The following GLIS3 variants were observed in gnomAD, a reference collection of about 807,000 sequenced individuals.
The protein encoded by GLIS3 is zinc finger protein GLIS3.
A neutral mutation model predicts 78.6 loss-of-function variants in GLIS3; 53 were observed. The observed-to-expected ratio is 0.67, with a 90% CI of 0.54 to 0.85. The LOEUF (loss-of-function observed/expected upper bound fraction) is 0.85. Ranked by LOEUF, GLIS3 falls within the 40% of genes least tolerant of loss-of-function variation. The probability of loss-of-function intolerance (pLI) is 0.00; values close to 1 mark genes in which losing one functional copy is unlikely to be tolerated. For missense variants in GLIS3, 1,703 were observed against 1,231.1 expected (o/e 1.38, Z -5.74); for synonymous variants, 684 against 509.9 (o/e 1.34, Z -4.60).
intron 9 of GLIS3, among the ~76,000 whole-genome samples, chr9:3,845,927 T>C (rs574878729): frequency 1.3e-5 from 2 of 152,202 alleles, no homozygotes; most frequent in African/African-American, 4.8e-5. Flanking sequence ...GTTTCAAGAT[T>C]TAAAACTTCT....
chr9:3,999,904 A>C (rs970059749), intron 4 of GLIS3, among the ~76,000 whole-genome samples: 3 of 152,168 alleles, frequency 2.0e-5, no homozygotes, highest in Non-Finnish European at 4.4e-5. Flanking sequence ...GGGATAGAAA[A>C]ATAGAGAAAT....
At chr9:4,381,877 T>C in the GLIS3 span, among the ~76,000 whole-genome samples, 1 of 152,212 alleles carries the variant, frequency 6.6e-6, no homozygotes, top group African/African-American at 2.4e-5. Context: ...GCTGTGCCCC[T>C]TCAGTGACCC....
At chr9:4,015,888 C>CAAAA (rs1049791263) in intron 4 of GLIS3, among the ~76,000 whole-genome samples, 14 of 32,230 alleles carry the variant, frequency 4.3e-4, no homozygotes, top group African/African-American at 1.3e-3. Context: ...GACTCTGTCT[C>CAAAA]AAAAAAAAAA....
At chr9:4,382,328 T>G in the GLIS3 span, among the ~76,000 whole-genome samples, 1 of 152,198 alleles carries the variant, frequency 6.6e-6, no homozygotes, top group Non-Finnish European at 1.5e-5. Context: ...ACTGGAGAGT[T>G]AGAGCATTAT....
At chr9:4,028,869 T>C (rs903745074) in intron 4 of GLIS3, among the ~76,000 whole-genome samples, 1 of 152,134 alleles carries the variant, frequency 6.6e-6, no homozygotes, top group African/African-American at 2.4e-5. Flanking sequence ...GTAATAAATG[T>C]TGCCAGGACT....
intron 4 of GLIS3, among the ~76,000 whole-genome samples, chr9:4,075,974 CA>C (rs1362222438): frequency 1.3e-5 from 2 of 152,080 alleles, no homozygotes; most frequent in Admixed American, 1.3e-4. Context: ...GGATTGACTG[CA>C]AAGGAACACC....
chr9:4,097,610 G>C (rs996080472), intron 4 of GLIS3, among the ~76,000 whole-genome samples: 1 of 152,064 alleles, frequency 6.6e-6, no homozygotes, highest in Admixed American at 6.5e-5. Flanking sequence ...TACCAGCTTC[G>C]CATACTGACC....
intron 4 of GLIS3, among the ~76,000 whole-genome samples, chr9:3,971,931 G>A (rs1199770453): frequency 6.6e-6 from 1 of 152,114 alleles, no homozygotes; most frequent in Admixed American, 6.6e-5. Flanking sequence ...GCTGTTTTGA[G>A]TGGCATGTGT....
At chr9:4,070,858 T>G (rs1373838346) in intron 4 of GLIS3, 1 of 152,184 alleles carries the variant, frequency 6.6e-6, no homozygotes, top group Non-Finnish European at 1.5e-5. Flanking sequence ...TATAAAAGCC[T>G]AGGTAAGACA....
chr9:3,926,974 G>A lies in GLIS3; in HGVS notation c.1983+5386C>T, dbSNP rs187581325. ...TGTGTTCCCACTACAAATATGATCA[G>A]CTCCTCAGAGAGGCCTTTCCTGCCC... On this transcript the variant is annotated intron_variant, in intron 6 of 10. Coordinates refer to ENST00000381971, the MANE Select transcript of GLIS3 (RefSeq NM_001042413.2). Among the ~76,000 whole-genome samples, 286 of 152,294 alleles carry A rather than the reference G, an allele frequency of 1.9e-3. 1 individual carries two copies. Among genetic ancestry groups the A allele is most frequent in the African/African-American group, 6.8e-3 (281 of 41,566 alleles).
chr9:3,861,965 G>A (rs982014547), intron 8 of GLIS3, among the ~76,000 whole-genome samples: 3 of 152,158 alleles, frequency 2.0e-5, no homozygotes, highest in Non-Finnish European at 4.4e-5. Context: ...ATTTAAAAAA[G>A]AAAGTGAAGC....
intron 5 of GLIS3, among the ~76,000 whole-genome samples, chr9:3,934,990 G>C (rs1825812857): frequency 6.6e-6 from 1 of 151,782 alleles, no homozygotes; most frequent in Admixed American, 6.6e-5. Flanking sequence ...TGCTAATAGA[G>C]AGATTAATTA....
chr9:3,996,564 A>C (rs1413165500), intron 4 of GLIS3, among the ~76,000 whole-genome samples: 1 of 152,224 alleles, frequency 6.6e-6, no homozygotes, highest in Non-Finnish European at 1.5e-5. Flanking sequence ...GCAGTTTTTC[A>C]AAGGAAATTC....
chr9:4,460,736 C>G, the GLIS3 span, among the ~76,000 whole-genome samples: 1 of 152,158 alleles, frequency 6.6e-6, no homozygotes, highest in African/African-American at 2.4e-5. Context: ...AAGGAGTTCT[C>G]TTTCCTTTTT....
intron 4 of GLIS3, among the ~76,000 whole-genome samples, chr9:4,033,178 A>T (rs1323455032): frequency 1.3e-5 from 2 of 152,150 alleles, no homozygotes; most frequent in African/African-American, 2.4e-5. Flanking sequence ...TGAACTTCTC[A>T]GAGTTCTGCA....
intron 2 of GLIS3, among the ~76,000 whole-genome samples, chr9:4,208,649 T>C (rs1338835173): frequency 6.6e-6 from 1 of 152,214 alleles, no homozygotes; most frequent in Non-Finnish European, 1.5e-5. Context: ...TGTTAGGGAA[T>C]AGTATGTTCC....
At chr9:3,861,007 G>C (rs941349631) in intron 8 of GLIS3, among the ~76,000 whole-genome samples, 2 of 152,126 alleles carry the variant, frequency 1.3e-5, no homozygotes, top group Non-Finnish European at 2.9e-5. Flanking sequence ...CAAAGGGCGG[G>C]GTGGATTAGG....
chr9:3,995,177 G>A (rs1433390545), intron 4 of GLIS3, among the ~76,000 whole-genome samples: 1 of 152,078 alleles, frequency 6.6e-6, no homozygotes, highest in Non-Finnish European at 1.5e-5. Context: ...CTTGGCTCTT[G>A]GTGGGGAAGG....
At chr9:4,203,744 G>A (rs1454567429) in intron 2 of GLIS3, among the ~76,000 whole-genome samples, 1 of 152,114 alleles carries the variant, frequency 6.6e-6, no homozygotes, top group Non-Finnish European at 1.5e-5. Flanking sequence ...AAGAAAATGT[G>A]TTACATATAC....
Sources: gnomAD v4.1 joint callset for allele counts (sites outside exome capture counted in the v4.1 genomes callset) on GRCh38, gnomAD v4.1.1 for gene constraint, MANE v1.5 for transcripts, NCBI Gene and HGNC (gene_info 2026-07-23, HGNC 2026-07-21) for gene names.